ATG101: variants seen among roughly 807,000 people sequenced by gnomAD.
ATG101 encodes autophagy related 101.
ATG101 carries 6 observed loss-of-function variants against 16.7 expected under a neutral mutation model. That is an observed-to-expected ratio of 0.36 (90% CI 0.20 to 0.71). ATG101 has a LOEUF of 0.71. ATG101 is among the 30% of genes least tolerant of loss of function. ATG101 has a pLI of 0.57. For synonymous variants in ATG101, 108 were observed against 118.1 expected, an observed-to-expected ratio of 0.91 and a Z score of 0.56; for missense variants, 200 against 292.5, an observed-to-expected ratio of 0.68 and a Z score of 2.31.
rs77972991 is a variant in ATG101, at chr12:52,076,860, C to A, written c.327C>A (p.Arg109=). 134 of 1,614,186 alleles carry A rather than the reference C, an allele frequency of 8.3e-5. 1 individual carries two copies. In the African/African-American group the frequency reaches 1.7e-3, roughly 20 times the overall value. ...AGTTCTACCAGAAGAAGAAGTCTCG[C>A]TGGCCATTCTCAGACGAGTGCATCC... The part of the protein sequence containing the change: ...SLEFYQKKKS[R]WPFSDECIPW... The change falls in exon 4 of 4, where the codon CGC becomes CGA. Residue 109 remains arginine (R), a synonymous_variant. Transcript: ENST00000336854.
chr12:52,077,194 T>C lies in ATG101; in HGVS notation c.*4T>C. Reference sequence around the variant, plus strand: ...CAAAGACACCCTTGCCCTCTGAGCGTCGCTGGATCTCTGGGAGCTCCTTGA... The same window carrying C: ...CAAAGACACCCTTGCCCTCTGAGCGCCGCTGGATCTCTGGGAGCTCCTTGA... On this transcript the variant is annotated 3_prime_UTR_variant, in exon 4 of 4. Transcript: ENST00000336854. 1 of 1,609,772 alleles carries C rather than the reference T, an allele frequency of 6.2e-7. No individual in the cohort carries two copies. Among genetic ancestry groups the C allele is most frequent in the South Asian group, 1.1e-5 (1 of 91,008 alleles).
chr12:52,076,525 T>C (rs966128829), intron 3 of ATG101, among the ~76,000 whole-genome samples: 1 of 152,220 alleles, frequency 6.6e-6, no homozygotes, highest in African/African-American at 2.4e-5. Context: ...TAGTTATTCC[T>C]GTAATATCAG....
At chr12:52,068,016 T>C (rs1939564783), upstream of ATG101, among the ~76,000 whole-genome samples, 1 of 152,056 alleles carries the variant, frequency 6.6e-6, no homozygotes, top group Non-Finnish European at 1.5e-5. Context: ...TATTATCGTT[T>C]TGGGAAATAA....
intron 3 of ATG101, 126 bp downstream of exon 3, chr12:52,074,028 T>C: frequency 7.3e-7 from 1 of 1,369,080 alleles, no homozygotes; most frequent in Non-Finnish European, 1.0e-6. Context: ...AATCGGGTTC[T>C]TTCAGGTTCT....
chr12:52,075,781 C>T (rs1939721793), intron 3 of ATG101, among the ~76,000 whole-genome samples: 1 of 152,228 alleles, frequency 6.6e-6, no homozygotes, highest in African/African-American at 2.4e-5. Flanking sequence ...TGTCCTTCAA[C>T]TTCCCTTCCC....
Position 52,073,847 on chromosome 12 carries a change from G to A in ATG101, c.197G>A (p.Arg66His), listed in dbSNP as rs775234172. Residue 66 changes from arginine (R) to histidine (H), a missense_variant, in exon 3 of 4, where the codon CGT becomes CAT. Physicochemically the swap from Arg to His is conservative, Grantham distance 29. Coordinates refer to ENST00000336854, the MANE Select transcript of ATG101 (RefSeq NM_021934.5). ...DCDFIDFTYV[R>H]VSSEELDRAL... is the part of the protein sequence containing the mutation. ...GACTTCATCGACTTCACTTATGTGC[G>A]TGTCTCTTCTGAGGAACTGGATCGT... is the stretch of plus-strand genomic sequence containing the variant. 5 of 1,614,208 alleles carry A rather than the reference G, an allele frequency of 3.1e-6. No homozygotes were observed. Among genetic ancestry groups the A allele is most frequent in the Non-Finnish European group, 4.2e-6 (5 of 1,180,034 alleles).
Position 52,077,166 on chromosome 12 carries a change from C to T in ATG101, c.633C>T (p.Leu211=), listed in dbSNP as rs370781093. 9.9e-6 allele frequency: 16 copies of T among 1,613,620 alleles called. 2 individuals are homozygous for T. In the Middle Eastern group the frequency reaches 1.6e-3, roughly 166 times the overall value. The change falls in exon 4 of 4, where the codon CTC becomes CTT. Residue 211 remains leucine (L), a synonymous_variant. Transcript: ENST00000336854. The part of the protein sequence containing the change: ...GTSVTTTMRR[L]IKDTLAL ...CAGTCACCACCACCATGCGCAGGCTCATCAAAGACACCCTTGCCCTCTGAG... is the reference window on the plus strand; with the variant it reads ...CAGTCACCACCACCATGCGCAGGCTTATCAAAGACACCCTTGCCCTCTGAG...
chr12:52,073,030 A>G (rs542345679), intron 2 of ATG101, among the ~76,000 whole-genome samples: 17 of 152,172 alleles, frequency 1.1e-4, no homozygotes, highest in Admixed American at 2.6e-4. Context: ...TCGGCCTCCC[A>G]AGTTGCTGGG....
Position 52,076,783 on chromosome 12 carries a change from C to T in ATG101, c.253-3C>T, listed in dbSNP as rs771084018. On this transcript the variant is annotated splice_polypyrimidine_tract_variant and splice_region_variant and intron_variant, in intron 3 of 3. Coordinates refer to ENST00000336854, the MANE Select transcript of ATG101 (RefSeq NM_021934.5). ...GCTTGCTCATTCGTTCCCTTCTTCC[C>T]AGGATGCACTGCGCAACTCTGGTGG... The T allele has an allele frequency of 3.7e-5, 59 of 1,612,022 alleles. No homozygotes were observed. The highest frequency in any genetic ancestry group is 4.4e-5 in the Non-Finnish European group (52 of 1,178,424).
At chr12:52,071,031 A>G (rs373322152) in intron 2 of ATG101, 36 of 152,354 alleles carry the variant, frequency 2.4e-4, no homozygotes, top group African/African-American at 8.2e-4. Context: ...AGGAATTACC[A>G]TTATAGTGAT....
At chr12:52,076,179 T>TA (rs1264344495) in intron 3 of ATG101, among the ~76,000 whole-genome samples, 1 of 151,892 alleles carries the variant, frequency 6.6e-6, no homozygotes, top group Non-Finnish European at 1.5e-5. Context: ...TCAAAAGAAT[T>TA]ATGTTTAATT....
At chr12:52,076,388 C>A (rs572887809) in intron 3 of ATG101, among the ~76,000 whole-genome samples, 1 of 152,334 alleles carries the variant, frequency 6.6e-6, no homozygotes, top group East Asian at 1.9e-4. Flanking sequence ...AGGCATGTGA[C>A]TCTCGCAAGT....
upstream of ATG101, among the ~76,000 whole-genome samples, chr12:52,068,583 C>T (rs1276632988): frequency 6.6e-6 from 1 of 151,978 alleles, no homozygotes; most frequent in Non-Finnish European, 1.5e-5. Context: ...TCTTGAACCC[C>T]CGGCCCCAGG....
At chr12:52,075,874 T>G (rs572951174) in intron 3 of ATG101, among the ~76,000 whole-genome samples, 4 of 152,264 alleles carry the variant, frequency 2.6e-5, no homozygotes, top group Admixed American at 2.0e-4. Context: ...TAAAAGAGAC[T>G]GTGAACTGGG....
chr12:52,076,223 A>C (rs1337365099), intron 3 of ATG101, among the ~76,000 whole-genome samples: 2 of 152,148 alleles, frequency 1.3e-5, no homozygotes, highest in Non-Finnish European at 2.9e-5. Flanking sequence ...TTTACAGGGG[A>C]AGAGGGAAAT....
upstream of ATG101, among the ~76,000 whole-genome samples, chr12:52,068,588 C>T: frequency 6.6e-6 from 1 of 152,002 alleles, no homozygotes; most frequent in East Asian, 1.9e-4. Flanking sequence ...AACCCCCGGC[C>T]CCAGGTGATG....
chr12:52,072,045 C>T (rs566768419), intron 2 of ATG101, among the ~76,000 whole-genome samples: 25 of 152,314 alleles, frequency 1.6e-4, no homozygotes, highest in Non-Finnish European at 2.9e-4. Flanking sequence ...TATAGCCTTG[C>T]ATCATCTCTT....
At chr12:52,072,421 G>A (rs10876231) in intron 2 of ATG101, among the ~76,000 whole-genome samples, 32,175 of 152,240 alleles carry the variant, frequency 0.21, 4,199 homozygotes, top group East Asian at 0.46. Context: ...AGAGCAAGAT[G>A]TAGATGAGGT....
chr12:52,072,187 T>C (rs1939660878), intron 2 of ATG101, among the ~76,000 whole-genome samples: 1 of 152,260 alleles, frequency 6.6e-6, no homozygotes, highest in East Asian at 1.9e-4. Flanking sequence ...TAGCCATTAT[T>C]ATCTCTTTTG....
Sources: gnomAD v4.1 joint callset for allele counts (sites outside exome capture counted in the v4.1 genomes callset) on GRCh38, gnomAD v4.1.1 for gene constraint, MANE v1.5 for transcripts, NCBI Gene and HGNC (gene_info 2026-07-23, HGNC 2026-07-21) for gene names.